The following ANK3 variants were observed in gnomAD, a reference collection of about 807,000 sequenced individuals.
The protein encoded by ANK3 is ankyrin 3.
Under a neutral mutation model 370.9 loss-of-function variants are expected in ANK3, and 57 were observed. The observed-to-expected ratio is 0.15, with a 90% CI of 0.12 to 0.19. The LOEUF (loss-of-function observed/expected upper bound fraction) is 0.19. Ranked by LOEUF, ANK3 falls within the 10% of genes least tolerant of loss-of-function variation. ANK3 has a pLI of 1.00. For synonymous variants in ANK3, 1,929 were observed against 1,946.3 expected (o/e 0.99, Z 0.23); for missense variants, 4,439 against 5,302.1 (o/e 0.84, Z 5.06).
In ANK3 at chr10:60,072,565, G is replaced by A; in HGVS notation, c.8316C>T (p.Asp2772=). The A allele has an allele frequency of 6.2e-7, 1 of 1,613,594 alleles. No individual in the cohort carries two copies. Among genetic ancestry groups the A allele is most frequent in the Non-Finnish European group, 8.5e-7 (1 of 1,179,888 alleles). ...GCACAGATACACTTTCATCTGGGAG[G>A]TCTATGGCCTTCTGCTGTTTTTCTC... ...FAREKQQKAI[D]LPDESVSVQK... is the part of the protein sequence containing the mutation. The change falls in exon 37 of 44, where the codon GAC becomes GAT. Residue 2772 remains aspartate, a synonymous_variant. Coordinates refer to ENST00000280772, the MANE Select transcript of ANK3 (RefSeq NM_020987.5).
chr10:60,663,314 G>T (rs999493185), intron 1 of ANK3, among the ~76,000 whole-genome samples: 3 of 152,282 alleles, frequency 2.0e-5, no homozygotes, highest in African/African-American at 4.8e-5. Flanking sequence ...CACTGAGAAG[G>T]CTCCTTGTTG....
At chr10:60,286,203 G>C (rs1385703300) in intron 1 of ANK3, among the ~76,000 whole-genome samples, 2 of 151,976 alleles carry the variant, frequency 1.3e-5, no homozygotes, top group Non-Finnish European at 2.9e-5. Flanking sequence ...TTCTCCTAAG[G>C]CATCCTCTGT....
chr10:60,687,257 A>T (rs957708156), intron 1 of ANK3, among the ~76,000 whole-genome samples: 2 of 152,184 alleles, frequency 1.3e-5, no homozygotes, highest in Admixed American at 1.3e-4. Context: ...TTATACTGCA[A>T]CCTAGGGAAT....
At chr10:60,540,668 C>G (rs912691598) in intron 2 of ANK3, among the ~76,000 whole-genome samples, 2 of 151,872 alleles carry the variant, frequency 1.3e-5, no homozygotes, top group African/African-American at 4.8e-5. Flanking sequence ...CAAAGCCACA[C>G]AAAGGACGGT....
At chr10:60,543,128 C>T (rs2076886505) in intron 2 of ANK3, among the ~76,000 whole-genome samples, 1 of 151,980 alleles carries the variant, frequency 6.6e-6, no homozygotes, top group Non-Finnish European at 1.5e-5. Flanking sequence ...TTTTCCCTTT[C>T]ACATTGACAA....
intron 2 of ANK3, among the ~76,000 whole-genome samples, chr10:60,432,601 C>G (rs747642761): frequency 6.6e-6 from 1 of 152,156 alleles, no homozygotes; most frequent in Non-Finnish European, 1.5e-5. Context: ...CAGCTCCCTT[C>G]TTAAATAATG....
At chr10:60,394,415 T>A (rs1263006753), upstream of ANK3, among the ~76,000 whole-genome samples, 1 of 152,022 alleles carries the variant, frequency 6.6e-6, no homozygotes, top group Non-Finnish European at 1.5e-5. Flanking sequence ...CACCTCTGGA[T>A]AACAAGCACT....
At chr10:60,244,294 A>G (rs1255993130) in intron 7 of ANK3, among the ~76,000 whole-genome samples, 1 of 152,174 alleles carries the variant, frequency 6.6e-6, no homozygotes, top group Non-Finnish European at 1.5e-5. Context: ...CCCATGTCTC[A>G]TCTCTTCTTT....
In ANK3 at chr10:60,615,247, A is replaced by G. The variant is rs928986944; in HGVS notation, c.58-23T>C. The G allele has an allele frequency of 2.0e-6, 3 of 1,499,324 alleles. No individual in the cohort carries two copies. In the African/African-American group the frequency reaches 4.2e-5, roughly 21 times the overall value. 92.9% of individuals were successfully genotyped at this position (1,499,324 alleles called of 1,614,324 possible). ...ACCCTAAAAAAGTAAAGAAACAAACATTTAGCAAACATGAAAGAATTCCAT... is the reference window on the plus strand; with the variant it reads ...ACCCTAAAAAAGTAAAGAAACAAACGTTTAGCAAACATGAAAGAATTCCAT... On this transcript the variant is annotated intron_variant, in intron 1 of 43. Transcript: ENST00000373827.
At chr10:60,104,596 C>G (rs561472610) in intron 28 of ANK3, among the ~76,000 whole-genome samples, 1 of 151,970 alleles carries the variant, frequency 6.6e-6, no homozygotes, top group African/African-American at 2.4e-5. Flanking sequence ...CAGTGCTATC[C>G]TTTCTTTTTA....
chr10:60,299,096 T>A (rs1427695965), intron 1 of ANK3, among the ~76,000 whole-genome samples: 1 of 152,182 alleles, frequency 6.6e-6, no homozygotes, highest in Non-Finnish European at 1.5e-5. Flanking sequence ...TCATGCACAA[T>A]CTTATAGCTT....
Position 60,100,234 on chromosome 10 carries a change from G to GTTTTTTTTTTTTTTTTTT in ANK3, c.3328+5653_3328+5670dup, listed in dbSNP as rs3045340. 3.0e-3 allele frequency among the ~76,000 whole-genome samples: 172 copies of GTTTTTTTTTTTTTTTTTT among 57,896 alleles called. 25 individuals carry two copies. The highest frequency in any genetic ancestry group is 6.7e-3 in the South Asian group (8 of 1,196). 38.0% of individuals were successfully genotyped at this position (57,896 alleles called of 152,430 possible). A position where few individuals can be genotyped will look rare whatever the true frequency, so the allele number is the denominator to read the frequency against. ...GGCTGAAAGTCAGTATTTTGCTATG[G>GTTTTTTTTTTTTTTTTTT]TTTTTTTTTTTTTTTTTTTTTTGCA... On this transcript the variant is annotated intron_variant, in intron 28 of 43. Coordinates refer to ENST00000280772, the MANE Select transcript of ANK3 (RefSeq NM_020987.5).
intron 36 of ANK3, among the ~76,000 whole-genome samples, chr10:60,077,144 C>T (rs2084022496): frequency 1.3e-5 from 2 of 152,116 alleles, no homozygotes; most frequent in African/African-American, 2.4e-5. Context: ...TTATGCTTTA[C>T]ACCCATAAAA....
chr10:60,202,480 C>T (rs142636925), intron 12 of ANK3, among the ~76,000 whole-genome samples: 26 of 152,306 alleles, frequency 1.7e-4, no homozygotes, highest in Admixed American at 9.8e-4. Context: ...GGTTAATGAA[C>T]GTAGTTCGTA....
At chr10:60,615,060 CAAT>C (rs1185600026) in intron 2 of ANK3, 5 of 597,680 alleles carry the variant, frequency 8.4e-6, no homozygotes, top group Non-Finnish European at 1.3e-5. Flanking sequence ...ACAACAACAA[CAAT>C]AAACTGGTTT....
chr10:60,701,478 C>A (rs772426839), intron 1 of ANK3, among the ~76,000 whole-genome samples: 4 of 152,116 alleles, frequency 2.6e-5, no homozygotes, highest in Admixed American at 2.0e-4. Context: ...CAATTCACAG[C>A]AGGACTATTT....
In ANK3 at chr10:60,028,692, G is replaced by A. The variant is rs1428701968; in HGVS notation, c.*1154C>T. 6.6e-6 allele frequency: 1 copy of A among 152,490 alleles called. No individual in the cohort carries two copies. The highest frequency in any genetic ancestry group is 1.5e-5 in the Non-Finnish European group (1 of 68,032). The allele number at this position is 152,490 out of a possible 1,614,324, so 9.4% of individuals were successfully genotyped here. On this transcript the variant is annotated 3_prime_UTR_variant, in exon 44 of 44. Coordinates refer to ENST00000280772, the MANE Select transcript of ANK3 (RefSeq NM_020987.5). ...CACAATACAGTAATAATTTTACAGC[G>A]TGCTGCCATTCTACTAGCTAAGGAT...
At chr10:60,435,542 A>G (rs1229630256) in intron 2 of ANK3, among the ~76,000 whole-genome samples, 1 of 152,206 alleles carries the variant, frequency 6.6e-6, no homozygotes, top group Non-Finnish European at 1.5e-5. Flanking sequence ...CAGATATAAT[A>G]TTCTCCCATT....
intron 2 of ANK3, among the ~76,000 whole-genome samples, chr10:60,516,591 C>A (rs1370882454): frequency 6.6e-6 from 1 of 151,970 alleles, no homozygotes; most frequent in Admixed American, 6.6e-5. Context: ...ATTTTCTCAC[C>A]ATCTCTAACC....
Sources: allele counts gnomAD v4.1 joint callset (sites outside exome capture counted in the v4.1 genomes callset), GRCh38; gene constraint gnomAD v4.1.1; transcripts MANE v1.5; gene names NCBI Gene and HGNC (gene_info 2026-07-23, HGNC 2026-07-21).